Variants in PCNX2 observed in about 807,000 individuals in gnomAD.
The protein encoded by PCNX2 is pecanex-like protein 2.
PCNX2 carries 168 observed loss-of-function variants against 223.8 expected under a neutral mutation model. That is an observed-to-expected ratio of 0.75 (90% CI 0.66 to 0.85). The LOEUF is 0.85. PCNX2 is among the 40% of genes least tolerant of loss of function. PCNX2 has a pLI of 0.00. For synonymous variants in PCNX2, 1,006 were observed against 1,052.6 expected (o/e 0.96, Z 0.86); for missense variants, 2,507 against 2,675.5 (o/e 0.94, Z 1.39).
intron 25 of PCNX2, among the ~76,000 whole-genome samples, chr1:233,034,004 G>A (rs988005773): frequency 6.6e-6 from 1 of 152,140 alleles, no homozygotes; most frequent in Non-Finnish European, 1.5e-5. Flanking sequence ...ATGAGGTCAA[G>A]AGATCGAGAC....
chr1:233,112,712 A>AGG, intron 21 of PCNX2: 4 of 550,206 alleles, frequency 7.3e-6, no homozygotes, highest in South Asian at 6.5e-5. Context: ...TAGATCTTTG[A>AGG]ACAATATAAC....
upstream of PCNX2, among the ~76,000 whole-genome samples, chr1:233,297,409 C>T (rs1271440943): frequency 6.6e-6 from 1 of 152,174 alleles, no homozygotes; most frequent in Non-Finnish European, 1.5e-5. Context: ...AATGTGCTGC[C>T]TGTTATCATA....
rs1163676313 is a variant in PCNX2 at position 233,135,152 on chromosome 1, A to T, written c.3698T>A (p.Leu1233Gln). ...IFLMIIAGMKLLRTSFCNPVY... is the reference protein window; with the variant it reads ...IFLMIIAGMKQLRTSFCNPVY... ...CGGGTTGCAGAATGATGTCCGCAAC[A>T]GCTTCATGCCAGCAATGATCATCAG... The change falls in exon 21 of 34, where the codon CTG becomes CAG. Residue 1233 changes from leucine to glutamine, a missense_variant. Around this residue, in one of 3 missense-constraint regions of PCNX2, gnomAD observed 1,372 missense variants for 1,509.4 expected, o/e 0.91. Transcript: ENST00000258229. The T allele has an allele frequency of 1.9e-6, 3 of 1,613,932 alleles. No individual in the cohort carries two copies. In the Admixed American group the frequency reaches 5.0e-5, roughly 27 times the overall value.
the PCNX2 span, among the ~76,000 whole-genome samples, chr1:233,315,011 C>T: frequency 0.012 from 1,769 of 152,282 alleles, 26 homozygotes; most frequent in African/African-American, 0.038. Flanking sequence ...ATAACAAAGA[C>T]GACCCTATAG....
At chr1:233,032,330 C>T (rs1432191906) in intron 25 of PCNX2, among the ~76,000 whole-genome samples, 1 of 152,060 alleles carries the variant, frequency 6.6e-6, no homozygotes, top group Non-Finnish European at 1.5e-5. Context: ...CTCAAACTCC[C>T]AATCTCAGGT....
At chr1:233,092,916 A>G (rs1673947943) in intron 22 of PCNX2, among the ~76,000 whole-genome samples, 1 of 152,136 alleles carries the variant, frequency 6.6e-6, no homozygotes. Context: ...CTCTTGCCTC[A>G]GCCTCCCCAG....
chr1:233,311,631 A>G, the PCNX2 span, among the ~76,000 whole-genome samples: 1 of 152,244 alleles, frequency 6.6e-6, no homozygotes, highest in African/African-American at 2.4e-5. Flanking sequence ...TACTGCATTA[A>G]GTCACCAAAA....
At chr1:233,029,364 C>T (rs12025052) in intron 25 of PCNX2, among the ~76,000 whole-genome samples, 21,255 of 152,046 alleles carry the variant, frequency 0.14, 1,558 homozygotes, top group East Asian at 0.22. Flanking sequence ...TGTTGTCAAA[C>T]GTTTTACTTC....
intron 23 of PCNX2, among the ~76,000 whole-genome samples, chr1:233,066,511 A>G (rs1672616449): frequency 6.6e-6 from 1 of 152,236 alleles, no homozygotes; most frequent in Non-Finnish European, 1.5e-5. Context: ...GTCCAGCTGC[A>G]GCCTCACATG....
intron 8 of PCNX2, among the ~76,000 whole-genome samples, chr1:233,245,455 G>T (rs1659049015): frequency 7.7e-6 from 1 of 129,728 alleles, no homozygotes; most frequent in African/African-American, 4.3e-5. Context: ...GGAGCCTGCA[G>T]GGAATCACCT....
rs1660060564 is a variant in PCNX2, at chr1:233,261,817, C to A, written c.480+228G>T. Among the ~76,000 whole-genome samples the A allele has an allele frequency of 4.6e-5, 7 of 152,168 alleles. No individual in the cohort carries two copies. The South Asian group carries it at 1.5e-3, about 32-fold the overall frequency. Reference sequence around the variant, plus strand: ...TTGACCCAGCAGCGCAGGTGGACGGCAGGGAAGGCCAGAGAGTGTGCTTTG... The same window carrying A: ...TTGACCCAGCAGCGCAGGTGGACGGAAGGGAAGGCCAGAGAGTGTGCTTTG... On this transcript the variant is annotated intron_variant, in intron 3 of 33. Coordinates refer to ENST00000258229, the MANE Select transcript of PCNX2 (RefSeq NM_014801.4).
At chr1:233,174,485 G>A (rs1679353384) in intron 17 of PCNX2, among the ~76,000 whole-genome samples, 1 of 151,458 alleles carries the variant, frequency 6.6e-6, no homozygotes, top group South Asian at 2.1e-4. Context: ...AATTCACTGT[G>A]GCATTTTATA....
intron 25 of PCNX2, among the ~76,000 whole-genome samples, chr1:233,037,786 T>C (rs554418560): frequency 6.6e-6 from 1 of 152,330 alleles, no homozygotes; most frequent in South Asian, 2.1e-4. Context: ...CCAAGGAGCC[T>C]CACATTCTTT....
At chr1:233,248,108 AG>A (rs999303091) in intron 8 of PCNX2, among the ~76,000 whole-genome samples, 2 of 152,164 alleles carry the variant, frequency 1.3e-5, no homozygotes, top group African/African-American at 4.8e-5. Context: ...ATTTTCTTCA[AG>A]GGGAAAGTTG....
intron 1 of PCNX2, among the ~76,000 whole-genome samples, chr1:233,276,941 A>G (rs1339712513): frequency 6.6e-6 from 1 of 152,226 alleles, no homozygotes; most frequent in East Asian, 1.9e-4. Context: ...AAAGTAATTT[A>G]TTTTTGCCCA....
At chr1:233,129,000 G>A (rs1321792994) in intron 21 of PCNX2, among the ~76,000 whole-genome samples, 1 of 152,214 alleles carries the variant, frequency 6.6e-6, no homozygotes, top group African/African-American at 2.4e-5. Context: ...GCGCCTCCTC[G>A]GCCTTGGCGT....
chr1:233,119,947 A>G (rs1026509555), intron 21 of PCNX2, among the ~76,000 whole-genome samples: 1 of 151,910 alleles, frequency 6.6e-6, no homozygotes, highest in African/African-American at 2.4e-5. Context: ...CGGGTGGATC[A>G]CCTGAGGTCA....
At chr1:233,136,631 G>A (rs946937437) in intron 20 of PCNX2, among the ~76,000 whole-genome samples, 2 of 152,168 alleles carry the variant, frequency 1.3e-5, no homozygotes, top group Admixed American at 1.3e-4. Flanking sequence ...AGCCCCCTGT[G>A]TTCCTGCAGC....
At position 233,000,578 on chromosome 1, in the gene PCNX2, G is replaced by T; in HGVS notation, c.5098-43C>A. 6.6e-7 allele frequency: 1 copy of T among 1,510,580 alleles called. No homozygotes were observed. The highest frequency in any genetic ancestry group is 1.2e-5 in the South Asian group (1 of 83,694). The allele number at this position is 1,510,580 out of a possible 1,614,324, so 93.6% of individuals were successfully genotyped here. On this transcript the variant is annotated intron_variant, in intron 29 of 33. Transcript: ENST00000258229. This position sits in a 1 kb window ranked among gnomAD's most constrained non-coding sequence, Gnocchi z 4.6. ...GGGTGTGGGCTGGGCAAGGACCAGA[G>T]GAACTCACCCCCAGGAAGCATGCAG...
Sources: gnomAD v4.1 joint callset for allele counts (sites outside exome capture counted in the v4.1 genomes callset) on GRCh38, gnomAD v4.1.1 for gene constraint, gnomAD v4.1.1 regional missense constraint, Gnocchi (gnomAD v3.1) non-coding constraint, MANE v1.5 for transcripts, NCBI Gene and HGNC (gene_info 2026-07-23, HGNC 2026-07-21) for gene names.